Variants in PROM1 observed in about 807,000 individuals in gnomAD.
The protein encoded by PROM1 is prominin-1.
In PROM1, 105 loss-of-function variants were observed where a neutral mutation model predicts 116.9. The observed-to-expected ratio is 0.90, with a 90% CI of 0.77 to 1.06. The LOEUF is 1.06. Among genes scored for constraint, PROM1 ranks in the 50% least tolerant of loss-of-function variants. The pLI, the probability that PROM1 is intolerant of heterozygous loss-of-function variation, is 0.00. For missense variants in PROM1, 1,122 were observed against 1,045.2 expected, an observed-to-expected ratio of 1.07 and a Z score of -1.01; for synonymous variants, 393 against 387.0, an observed-to-expected ratio of 1.02 and a Z score of -0.18.
chr4:15,979,928 T>A, intron 24 of PROM1, 24 bp from the exon 25 acceptor site: 1 of 1,321,378 alleles, frequency 7.6e-7, no homozygotes, highest in Non-Finnish European at 1.0e-6. Context: ...AAAAGGGAGA[T>A]AAAATTAATT....
chr4:15,995,457 G>A (rs1008170371), intron 15 of PROM1, among the ~76,000 whole-genome samples: 3 of 152,164 alleles, frequency 2.0e-5, no homozygotes, highest in Non-Finnish European at 4.4e-5. Flanking sequence ...GAAAGATTTA[G>A]AAGACAAAGC....
In PROM1 at chr4:16,040,818, G is replaced by T. The variant is rs1396867501; in HGVS notation, c.221-1817C>A. On this transcript the variant is annotated intron_variant, in intron 2 of 27. Transcript: ENST00000447510. ...AGGAATTTAGAGCATGCAGATCACA[G>T]AACAGTATCCATGGTAAGTGCAGTG... 2.0e-5 allele frequency among the ~76,000 whole-genome samples: 3 copies of T among 152,160 alleles called. 1 individual carries two copies. The highest frequency in any genetic ancestry group is 7.2e-5 in the African/African-American group (3 of 41,442).
rs1316272748 is a variant in PROM1 at position 15,985,832 on chromosome 4, GA to G, written c.2212-5del. 4 of 1,016,048 alleles carry G rather than the reference GA, an allele frequency of 3.9e-6. No homozygotes were observed. Among genetic ancestry groups the G allele is most frequent in the African/African-American group, 2.8e-5 (1 of 35,092 alleles). 62.9% of individuals were successfully genotyped at this position (1,016,048 alleles called of 1,614,324 possible). ...TTCTCCCATACTTCTTAGTTTCCTGGAAAGAAACAAAAGATGAGTAGAAGCA... is the reference window on the plus strand; with the variant it reads ...TTCTCCCATACTTCTTAGTTTCCTGGAAGAAACAAAAGATGAGTAGAAGCA... On this transcript the variant is annotated splice_polypyrimidine_tract_variant and splice_region_variant and intron_variant, in intron 21 of 27. Coordinates refer to ENST00000447510, the MANE Select transcript of PROM1 (RefSeq NM_006017.3).
At chr4:16,028,792 A>G (rs1410670675) in intron 5 of PROM1, among the ~76,000 whole-genome samples, 1 of 152,236 alleles carries the variant, frequency 6.6e-6, no homozygotes, top group Non-Finnish European at 1.5e-5. Context: ...ATGCCTTTAA[A>G]CAATCTAAAA....
In PROM1 at chr4:15,980,475, C is replaced by A; in HGVS notation, c.2436G>T (p.Ala812=). The A allele has an allele frequency of 6.4e-7, 1 of 1,556,732 alleles. No individual in the cohort carries two copies. The highest frequency in any genetic ancestry group is 8.7e-7 in the Non-Finnish European group (1 of 1,149,338). The part of the protein sequence containing the change: ...TVFLLPALIF[A]VKLAKYYRRM... ...GACGATAGTACTTAGCCAGTTTTAC[C>A]GCAAAAATTAGAGCCGGAAGTAAAA... Residue 812 remains alanine (A), a synonymous_variant, in exon 24 of 28, where the codon GCG becomes GCT. Transcript: ENST00000447510.
At chr4:15,988,780 A>G (rs1448163369) in intron 19 of PROM1, among the ~76,000 whole-genome samples, 1 of 140,128 alleles carries the variant, frequency 7.1e-6, no homozygotes, top group African/African-American at 2.5e-5. Flanking sequence ...AAAATTGTAA[A>G]TAGCACTGGA....
intron 2 of PROM1, among the ~76,000 whole-genome samples, chr4:16,052,276 G>A (rs13435069): frequency 0.027 from 4,056 of 152,192 alleles, 182 homozygotes; most frequent in African/African-American, 0.093. Flanking sequence ...CTTACTCACT[G>A]CACTCCCACA....
intron 14 of PROM1, among the ~76,000 whole-genome samples, chr4:15,999,194 G>A (rs1374762466): frequency 6.6e-6 from 1 of 151,888 alleles, no homozygotes; most frequent in Non-Finnish European, 1.5e-5. Context: ...ACACTTGGCC[G>A]GGCGCTGTGG....
Position 16,071,999 on chromosome 4 carries a change from C to T in PROM1, c.220+3688G>A, listed in dbSNP as rs556566489. Among the ~76,000 whole-genome samples, 3 of 152,238 alleles carry T rather than the reference C, an allele frequency of 2.0e-5. No individual in the cohort carries two copies. In the East Asian group the frequency reaches 5.8e-4, roughly 30 times the overall value. On this transcript the variant is annotated intron_variant, in intron 2 of 27. Transcript: ENST00000447510. The stretch of plus-strand genomic sequence containing the variant: ...CAGCTCTCTTCTTAATGAGCCTAAG[C>T]CCCCTGTGTAGAGTAATCCTTTTGC...
At chr4:16,038,689 C>A (rs1489805736) in intron 3 of PROM1, among the ~76,000 whole-genome samples, 1 of 152,226 alleles carries the variant, frequency 6.6e-6, no homozygotes, top group Non-Finnish European at 1.5e-5. Flanking sequence ...GCGTGAGCCA[C>A]CACACCCGGC....
rs1212227960 is a variant in PROM1, at chr4:16,011,535, T to C, written c.1141+1740A>G. ...GCTCAGGCAATGGCACCATGCACCA[T>C]GGGCCGCACTCAATGCACGCAGCAC... is the stretch of plus-strand genomic sequence containing the variant. On this transcript the variant is annotated intron_variant, in intron 11 of 27. Transcript: ENST00000447510. 1.1e-4 allele frequency among the ~76,000 whole-genome samples: 16 copies of C among 152,200 alleles called. 1 individual carries two copies.
At chr4:16,028,384 C>T (rs1326638137) in intron 5 of PROM1, among the ~76,000 whole-genome samples, 1 of 152,162 alleles carries the variant, frequency 6.6e-6, no homozygotes, top group African/African-American at 2.4e-5. Flanking sequence ...AAAAGCACCA[C>T]CATGATGGCA....
chr4:15,991,329 T>C (rs780195033), intron 17 of PROM1, 36 bp from the exon 18 acceptor site: 31 of 1,465,500 alleles, frequency 2.1e-5, no homozygotes, highest in Admixed American at 1.5e-4. Flanking sequence ...CTTATGGATA[T>C]GGGATCTTTA....
chr4:16,004,832 T>TTCTTTTTTCTTCCTTCCTTCCTTCCTTC (rs1203366908), intron 13 of PROM1, among the ~76,000 whole-genome samples: 1 of 122,504 alleles, frequency 8.2e-6, no homozygotes, highest in African/African-American at 3.0e-5. Flanking sequence ...TCTTTCTTTT[T>TTCTTTTTTCTTCCTTCCTTCCTTCCTTC]CTTCCTTCCT....
chr4:15,984,622 A>G (rs561479244), intron 22 of PROM1, among the ~76,000 whole-genome samples: 2 of 152,232 alleles, frequency 1.3e-5, no homozygotes, highest in East Asian at 3.9e-4. Flanking sequence ...CTCTTATGTT[A>G]CTGCCTGAGC....
intron 8 of PROM1, among the ~76,000 whole-genome samples, chr4:16,020,512 AC>A (rs1428297934): frequency 6.6e-6 from 1 of 152,172 alleles, no homozygotes; most frequent in Non-Finnish European, 1.5e-5. Flanking sequence ...ACAGAAATAC[AC>A]CAGAAATACA....
chr4:16,013,364 A>T (rs1727418219), intron 10 of PROM1, 26 bp from the exon 11 acceptor site: 1 of 1,534,536 alleles, frequency 6.5e-7, no homozygotes, highest in East Asian at 2.2e-5. Context: ...AAATAAAAGG[A>T]TGTACACAGT....
Position 15,988,852 on chromosome 4 carries a change from G to C in PROM1, c.2076+880C>G, listed in dbSNP as rs144755529. The stretch of plus-strand genomic sequence containing the variant: ...ATAATCTAATAAATTAGGAAATCGA[G>C]AGAGAAAAAAAGAGTATTGGAAATT... On this transcript the variant is annotated intron_variant, in intron 19 of 27. Transcript: ENST00000447510. 3.7e-3 allele frequency among the ~76,000 whole-genome samples: 564 copies of C among 152,258 alleles called. 3 individuals carry two copies. Among genetic ancestry groups the C allele is most frequent in the Non-Finnish European group, 4.8e-3 (329 of 67,998 alleles).
At chr4:16,062,399 G>GT (rs1439281545) in intron 2 of PROM1, among the ~76,000 whole-genome samples, 1 of 152,092 alleles carries the variant, frequency 6.6e-6, no homozygotes, top group East Asian at 1.9e-4. Context: ...GCCCCTTTCT[G>GT]TATATTAAGC....
Sources: allele counts gnomAD v4.1 joint callset (sites outside exome capture counted in the v4.1 genomes callset), GRCh38; gene constraint gnomAD v4.1.1; transcripts MANE v1.5; gene names NCBI Gene and HGNC (gene_info 2026-07-23, HGNC 2026-07-21).